The following GAGE10 variants were observed in gnomAD, a reference collection of about 807,000 sequenced individuals.
GAGE10 encodes the protein G antigen 10.
A neutral mutation model predicts 11.5 loss-of-function variants in GAGE10; 9 were observed. The observed-to-expected ratio is 0.78, with a 90% CI of 0.47 to 1.37. GAGE10 has a LOEUF of 1.37. Ranked by LOEUF, GAGE10 falls within the 40% of genes most tolerant of loss-of-function variation. GAGE10 has a pLI of 0.00. For missense variants in GAGE10, 83 were observed against 92.9 expected (o/e 0.89, Z 0.44); for synonymous variants, 23 against 29.7 (o/e 0.77, Z 0.73).
intron 3 of GAGE10, among the ~76,000 whole-genome samples, chrX:49,314,842 C>T (rs1368775173): frequency 6.3e-5 from 7 of 111,900 alleles, no homozygotes; most frequent in African/African-American, 2.3e-4. Flanking sequence ...GAATTAATGC[C>T]ACAAGATAAC....
chrX:49,317,125 T>G, intron 3 of GAGE10, 38 bp from the exon 4 acceptor site: 2 of 1,169,514 alleles, frequency 1.7e-6, no homozygotes, highest in South Asian at 3.6e-5. Flanking sequence ...TATTTCATGT[T>G]TTACTGCTTA....
chrX:49,317,082 A>G (rs1175719314), intron 3 of GAGE10, 81 bp from the exon 4 acceptor site: 16 of 1,042,179 alleles, frequency 1.5e-5, no homozygotes, highest in Middle Eastern at 2.7e-4. Flanking sequence ...TTATATAATA[A>G]CACCGAGAGC....
intron 3 of GAGE10, 115 bp from the exon 4 acceptor site, chrX:49,317,044 ATATT>A (rs1439486517): frequency 2.2e-6 from 2 of 893,716 alleles, no homozygotes; most frequent in Non-Finnish European, 3.0e-6. Context: ...TCTTATCAAC[ATATT>A]TATTATTATA....
intron 3 of GAGE10, among the ~76,000 whole-genome samples, chrX:49,312,457 T>A (rs2066378785): frequency 8.9e-6 from 1 of 112,649 alleles, no homozygotes; most frequent in Admixed American, 9.3e-5. Context: ...AAAGAGGAAA[T>A]TTTGCAATTA....
intron 3 of GAGE10, among the ~76,000 whole-genome samples, chrX:49,312,722 T>C (rs1482341939): frequency 8.9e-6 from 1 of 112,698 alleles, no homozygotes; most frequent in Non-Finnish European, 1.9e-5. Flanking sequence ...ATATTAAAAA[T>C]GGATGGTGGC....
intron 3 of GAGE10, among the ~76,000 whole-genome samples, chrX:49,309,826 C>T (rs1211837307): frequency 9.0e-6 from 1 of 111,085 alleles, no homozygotes; most frequent in African/African-American, 3.3e-5. Context: ...AATCAGAGCT[C>T]CAGGAAGTTA....
At chrX:49,305,263 T>C in intron 2 of GAGE10, 141 bp from the exon 3 acceptor site, 8 of 1,170,572 alleles carry the variant, frequency 6.8e-6, no homozygotes, top group Non-Finnish European at 9.1e-6. Flanking sequence ...GTAACCTTAT[T>C]GGGCATAGAG....
At chrX:49,310,118 G>C (rs1602727696) in intron 3 of GAGE10, among the ~76,000 whole-genome samples, 1 of 112,250 alleles carries the variant, frequency 8.9e-6, no homozygotes, top group Non-Finnish European at 1.9e-5. Context: ...TGTACACTCC[G>C]TTTAACCCCA....
intron 3 of GAGE10, among the ~76,000 whole-genome samples, chrX:49,306,028 T>C (rs1281539816): frequency 8.9e-5 from 10 of 111,960 alleles, no homozygotes; most frequent in Non-Finnish European, 1.9e-4. Flanking sequence ...ATTGATGTTT[T>C]TATATGGTAC....
chrX:49,305,375 T>G, intron 2 of GAGE10, 29 bp from the exon 3 acceptor site: 1 of 1,080,845 alleles, frequency 9.3e-7, no homozygotes, highest in South Asian at 2.2e-5. Flanking sequence ...AACTTATTTT[T>G]TATTTGCACA....
At chrX:49,316,366 C>T (rs1430051163) in intron 3 of GAGE10, among the ~76,000 whole-genome samples, 1 of 111,968 alleles carries the variant, frequency 8.9e-6, no homozygotes, top group Non-Finnish European at 1.9e-5. Flanking sequence ...TTCTGTAATA[C>T]GCTTCCCCTG....
chrX:49,306,036 T>C (rs1323947105), intron 3 of GAGE10, among the ~76,000 whole-genome samples: 1 of 111,867 alleles, frequency 8.9e-6, no homozygotes, highest in Non-Finnish European at 1.9e-5. Context: ...TTTTATATGG[T>C]ACATTTGATA....
At position 49,315,089 on chromosome X, in the gene GAGE10, T is replaced by G. The variant is rs1326186685; in HGVS notation, c.203-2074T>G. ...ATCCAAACCCTTTCTCTCGGTTCTC[T>G]ACTCTAAGCCACTCTTGGCATCTCT... is the stretch of plus-strand genomic sequence containing the variant. On this transcript the variant is annotated intron_variant, in intron 3 of 4. Transcript: ENST00000407599. Among the ~76,000 whole-genome samples, 18 of 111,831 alleles carry G rather than the reference T, an allele frequency of 1.6e-4. No homozygotes were observed. In the Admixed American group the frequency reaches 1.7e-3, roughly 11 times the overall value.
chrX:49,317,351 T>A (rs782309902), intron 4 of GAGE10, 63 bp downstream of exon 4: 1 of 1,145,311 alleles, frequency 8.7e-7, no homozygotes, highest in East Asian at 3.2e-5. Flanking sequence ...GTATCATAAT[T>A]ATTATTACAT....
chrX:49,309,241 C>T (rs1393120673), intron 3 of GAGE10, among the ~76,000 whole-genome samples: 4 of 111,893 alleles, frequency 3.6e-5, no homozygotes, highest in Admixed American at 1.9e-4. Context: ...AAACCAACTC[C>T]TTTGGAGTGC....
At chrX:49,308,197 G>A (rs2066364056) in intron 3 of GAGE10, among the ~76,000 whole-genome samples, 2 of 112,149 alleles carry the variant, frequency 1.8e-5, no homozygotes, top group Admixed American at 9.4e-5. Flanking sequence ...TGACTAGGTC[G>A]GTGCATCTAA....
chrX:49,307,688 G>A (rs1256842156), intron 3 of GAGE10, among the ~76,000 whole-genome samples: 2 of 111,563 alleles, frequency 1.8e-5, no homozygotes, highest in Admixed American at 9.5e-5. Flanking sequence ...GTAGAGATAG[G>A]GTTCGCCCTG....
chrX:49,309,822 A>C (rs2066370008), intron 3 of GAGE10, among the ~76,000 whole-genome samples: 1 of 111,168 alleles, frequency 9.0e-6, no homozygotes, highest in African/African-American at 3.3e-5. Context: ...GAGAAATCAG[A>C]GCTCCAGGAA....
rs781982798 is a variant in GAGE10, at chrX:49,317,285, G to C, written c.325G>C (p.Glu109Gln). The C allele has an allele frequency of 8.3e-7, 1 of 1,204,405 alleles. No homozygotes were observed. Among genetic ancestry groups the C allele is most frequent in the South Asian group, 1.8e-5 (1 of 56,839 alleles). ...TCCAGAGGAGGTGAAAAGGCCTGAA[G>C]AAGGTAGGGAATCCATTAGGCATGC... ...PNPEEVKRPEEGEKQSQC is the reference protein window; with the variant it reads ...PNPEEVKRPEQGEKQSQC Residue 109 changes from glutamate (E) to glutamine (Q), a missense_variant, in exon 4 of 5, where the codon GAA (glutamate) becomes CAA (glutamine). Transcript: ENST00000407599.
Sources: allele counts gnomAD v4.1 joint callset (sites outside exome capture counted in the v4.1 genomes callset), GRCh38; gene constraint gnomAD v4.1.1; transcripts MANE v1.5; gene names NCBI Gene and HGNC (gene_info 2026-07-23, HGNC 2026-07-21).